The following MATN2 variants were observed in gnomAD, a reference collection of about 807,000 sequenced individuals.
MATN2 encodes the protein matrilin-2.
Under a neutral mutation model 103.2 loss-of-function variants are expected in MATN2, and 69 were observed. The ratio of observed to expected loss-of-function variants is 0.67; its 90% CI spans 0.55 to 0.82. The LOEUF (loss-of-function observed/expected upper bound fraction) is 0.82. MATN2 is among the 40% of genes least tolerant of loss of function. The pLI, the probability that MATN2 is intolerant of heterozygous loss-of-function variation, is 0.00. For synonymous variants in MATN2, 429 were observed against 450.2 expected (o/e 0.95, Z 0.60); for missense variants, 1,023 against 1,211.5 (o/e 0.84, Z 2.31).
intron 7 of MATN2, among the ~76,000 whole-genome samples, chr8:97,997,822 T>G (rs1294068665): frequency 6.6e-6 from 1 of 151,136 alleles, no homozygotes. Flanking sequence ...AGAAGGTTTT[T>G]TTTTTTTTTT....
chr8:97,888,319 C>G, intron 2 of MATN2, 77 bp downstream of exon 2: 1 of 1,368,492 alleles, frequency 7.3e-7, no homozygotes, highest in African/African-American at 1.5e-5. Context: ...GGATTGGTGA[C>G]TGTTTGAGAA....
chr8:97,894,659 G>A (rs937461053), intron 2 of MATN2, among the ~76,000 whole-genome samples: 1 of 152,022 alleles, frequency 6.6e-6, no homozygotes, highest in African/African-American at 2.4e-5. Flanking sequence ...TGCTCTTGGG[G>A]AATCACAGTG....
At chr8:97,917,138 TTCCCCA>T in intron 2 of MATN2, among the ~76,000 whole-genome samples, 1 of 152,282 alleles carries the variant, frequency 6.6e-6, no homozygotes, top group East Asian at 1.9e-4. Context: ...TGCACACCCA[TTCCCCA>T]GCACCTTCAT....
intron 2 of MATN2, among the ~76,000 whole-genome samples, chr8:97,893,884 ACAGT>A (rs1346134462): frequency 3.3e-5 from 5 of 152,112 alleles, no homozygotes; most frequent in Non-Finnish European, 5.9e-5. Context: ...AAACTACTCT[ACAGT>A]CAGCCAGCTT....
At chr8:97,928,491 G>C (rs1029015634) in intron 2 of MATN2, among the ~76,000 whole-genome samples, 8 of 152,204 alleles carry the variant, frequency 5.3e-5, no homozygotes, top group African/African-American at 1.9e-4. Context: ...CTCCCAAAGT[G>C]CTGGGATTAC....
chr8:97,994,961 C>A (rs898160174), intron 7 of MATN2, among the ~76,000 whole-genome samples: 1 of 152,124 alleles, frequency 6.6e-6, no homozygotes, highest in African/African-American at 2.4e-5. Flanking sequence ...TCTTCTACTC[C>A]TACAAGATAA....
At position 98,007,047 on chromosome 8, in the gene MATN2, T is replaced by G; in HGVS notation, c.1328-58T>G. ...TCCGGTTTTGTTTTTGAATCTTGGT[T>G]GCTGGTGGGGTATTGCCCCCTCGGC... On this transcript the variant is annotated intron_variant, in intron 8 of 18. Coordinates refer to ENST00000254898, the MANE Select transcript of MATN2 (RefSeq NM_002380.5). The surrounding 1 kb of genome is among the most constrained non-coding windows in gnomAD (Gnocchi z 4.2). 1 of 1,537,998 alleles carries G rather than the reference T, an allele frequency of 6.5e-7. No homozygotes were observed. Among genetic ancestry groups the G allele is most frequent in the Admixed American group, 2.0e-5 (1 of 51,110 alleles).
chr8:97,970,296 A>G (rs1276867177), intron 5 of MATN2, among the ~76,000 whole-genome samples: 2 of 152,180 alleles, frequency 1.3e-5, no homozygotes, highest in South Asian at 4.1e-4. Context: ...GTAAATTGAC[A>G]TGGTATACTG....
intron 10 of MATN2, among the ~76,000 whole-genome samples, chr8:98,014,884 T>C (rs1813307652): frequency 6.6e-6 from 1 of 152,354 alleles, no homozygotes; most frequent in Non-Finnish European, 1.5e-5. Flanking sequence ...GGGGCCTTTA[T>C]TTAATAATTC....
chr8:97,930,931 T>G (rs370833867), intron 2 of MATN2, 22 bp from the exon 3 acceptor site: 20 of 1,567,344 alleles, frequency 1.3e-5, no homozygotes, highest in Non-Finnish European at 1.7e-5. Flanking sequence ...TCTAATGTAT[T>G]TGACCTCTCC....
chr8:97,999,355 A>AT (rs1446909564), intron 7 of MATN2, among the ~76,000 whole-genome samples: 1 of 152,136 alleles, frequency 6.6e-6, no homozygotes, highest in East Asian at 1.9e-4. Flanking sequence ...TCTATATTTA[A>AT]TTTTTTGAGG....
intron 2 of MATN2, among the ~76,000 whole-genome samples, chr8:97,913,407 C>T (rs554738192): frequency 7.9e-5 from 12 of 151,570 alleles, no homozygotes; most frequent in Non-Finnish European, 1.3e-4. Flanking sequence ...CTCTGCCTCC[C>T]GGGTTCAAGT....
intron 4 of MATN2, 31 bp from the exon 5 acceptor site, chr8:97,961,377 G>A (rs373939856): frequency 6.1e-5 from 96 of 1,583,436 alleles, no homozygotes; most frequent in African/African-American, 5.4e-4. Context: ...TGTGCCTGAC[G>A]TTGTGTTCTA....
rs1474778687 is a variant in MATN2 at position 98,007,803 on chromosome 8, C to T, written c.1573+202C>T. Among the ~76,000 whole-genome samples, 2 of 152,176 alleles carry T rather than the reference C, an allele frequency of 1.3e-5. No homozygotes were observed. Among genetic ancestry groups the T allele is most frequent in the African/African-American group, 4.8e-5 (2 of 41,424 alleles). ...CCCTCAATCTTCCTTCCCCCGTGCC[C>T]TGAAGTGGCTTTTTGCTGTTTCCAC... On this transcript the variant is annotated intron_variant, in intron 10 of 18. Transcript: ENST00000254898. The surrounding 1 kb of genome is among the most constrained non-coding windows in gnomAD (Gnocchi z 4.2).
intron 14 of MATN2, among the ~76,000 whole-genome samples, chr8:98,028,200 G>A (rs1252032283): frequency 1.3e-5 from 2 of 152,134 alleles, no homozygotes; most frequent in South Asian, 2.1e-4. Flanking sequence ...TTGTTAAATT[G>A]TTTCTGATGG....
At chr8:97,917,707 G>A (rs1809679147) in intron 2 of MATN2, among the ~76,000 whole-genome samples, 1 of 152,166 alleles carries the variant, frequency 6.6e-6, no homozygotes, top group African/African-American at 2.4e-5. Flanking sequence ...GGTGTACATT[G>A]TTACTTTTAT....
chr8:97,893,876 ACTACT>A (rs1260260969), intron 2 of MATN2, among the ~76,000 whole-genome samples: 1 of 151,602 alleles, frequency 6.6e-6, no homozygotes, highest in African/African-American at 2.4e-5. Context: ...CACTCCACAA[ACTACT>A]CTACAGTCAG....
intron 10 of MATN2, among the ~76,000 whole-genome samples, chr8:98,010,439 C>T (rs1279840023): frequency 1.3e-5 from 2 of 152,210 alleles, no homozygotes. Context: ...GGAATTGGCC[C>T]TCTTGGGGTC....
chr8:97,951,094 C>T (rs1000325325), intron 4 of MATN2: 15 of 152,338 alleles, frequency 9.8e-5, no homozygotes, highest in Non-Finnish European at 1.6e-4. Flanking sequence ...CAATGGCAGC[C>T]ACCTGAGCTG....
Sources: allele counts gnomAD v4.1 joint callset (sites outside exome capture counted in the v4.1 genomes callset), GRCh38; gene constraint gnomAD v4.1.1; non-coding constraint Gnocchi (gnomAD v3.1); transcripts MANE v1.5; gene names NCBI Gene and HGNC (gene_info 2026-07-23, HGNC 2026-07-21).